Variants in ABR observed in about 807,000 individuals in gnomAD.
ABR encodes ABR activator of RhoGEF and GTPase.
A neutral mutation model predicts 107.2 loss-of-function variants in ABR; 35 were observed. That is an observed-to-expected ratio of 0.33 (90% CI 0.25 to 0.43). The LOEUF is 0.43. ABR is among the 20% of genes least tolerant of loss of function. ABR has a pLI of 1.00. For missense variants in ABR, 815 were observed against 1,115.2 expected, an observed-to-expected ratio of 0.73 and a Z score of 3.83; for synonymous variants, 498 against 462.0, an observed-to-expected ratio of 1.08 and a Z score of -1.00.
chr17:1,048,271 C>T (rs182219187), intron 16 of ABR, among the ~76,000 whole-genome samples: 5 of 152,356 alleles, frequency 3.3e-5, no homozygotes, highest in Non-Finnish European at 5.9e-5. Flanking sequence ...CGGAAAGAGA[C>T]GTGTTTAGGA....
chr17:1,158,695 G>A (rs12938886), intron 1 of ABR, among the ~76,000 whole-genome samples: 13,560 of 151,766 alleles, frequency 0.089, 657 homozygotes, highest in Middle Eastern at 0.16. Flanking sequence ...CCTGGGAGTT[G>A]GAAGTTGCAA....
intron 2 of ABR, among the ~76,000 whole-genome samples, chr17:1,113,109 TGCC>T (rs1260687066): frequency 1.3e-5 from 2 of 151,528 alleles, no homozygotes; most frequent in Admixed American, 1.3e-4. Context: ...GGGAACCCCG[TGCC>T]TACCCTCGCG....
At chr17:1,212,444 AAAC>A (rs1043620097) in intron 1 of ABR, among the ~76,000 whole-genome samples, 3 of 151,812 alleles carry the variant, frequency 2.0e-5, no homozygotes, top group Admixed American at 6.6e-5. Flanking sequence ...AGAGAAAAAA[AAAC>A]AACAACAAAA....
At chr17:1,081,577 A>G (rs560070063) in intron 5 of ABR, among the ~76,000 whole-genome samples, 21 of 152,194 alleles carry the variant, frequency 1.4e-4, no homozygotes, top group Middle Eastern at 3.4e-3. Flanking sequence ...AAGGGACTCA[A>G]TAGATACTTT....
In ABR at chr17:1,005,690, T is replaced by G; in HGVS notation, c.*390A>C. ...CTGGCAGCAGTTACACAGCGCAAAA[T>G]AAAAGGCCTTGGGCTGGACTCAGGC... On this transcript the variant is annotated 3_prime_UTR_variant, in exon 23 of 23. Transcript: ENST00000302538. The G allele has an allele frequency of 4.1e-6, 1 of 244,956 alleles. No individual in the cohort carries two copies. Among genetic ancestry groups the G allele is most frequent in the South Asian group, 5.7e-5 (1 of 17,448 alleles). 15.2% of individuals were successfully genotyped at this position (244,956 alleles called of 1,614,324 possible).
At position 1,084,744 on chromosome 17, in the gene ABR, G is replaced by C. The variant is rs142354001; in HGVS notation, c.532-1117C>G. 2.0e-5 allele frequency among the ~76,000 whole-genome samples: 3 copies of C among 152,308 alleles called. No homozygotes were observed. Among genetic ancestry groups the C allele is most frequent in the African/African-American group, 7.2e-5 (3 of 41,552 alleles). On this transcript the variant is annotated intron_variant, in intron 4 of 22. Transcript: ENST00000302538. This position sits in a 1 kb window ranked among gnomAD's most constrained non-coding sequence, Gnocchi z 4.2. Reference sequence around the variant, plus strand: ...GAGATATTTTATACTCATCAGAAGGGTCAAAATTTAAAAGTCTAATTGACA... The same window carrying C: ...GAGATATTTTATACTCATCAGAAGGCTCAAAATTTAAAAGTCTAATTGACA...
chr17:1,197,148 G>A (rs1258228838), intron 1 of ABR, among the ~76,000 whole-genome samples: 1 of 151,588 alleles, frequency 6.6e-6, no homozygotes, highest in Non-Finnish European at 1.5e-5. Flanking sequence ...CTTCAAGGCA[G>A]CCCCCAGCCC....
At chr17:1,141,721 C>T (rs2040293002) in intron 1 of ABR, among the ~76,000 whole-genome samples, 1 of 152,124 alleles carries the variant, frequency 6.6e-6, no homozygotes, top group Non-Finnish European at 1.5e-5. Context: ...CATCAGTCAG[C>T]CTCCATTCAG....
At chr17:1,229,434 C>T (rs1322732168) in exon 1 of ABR, among the ~76,000 whole-genome samples, 4 of 151,738 alleles carry the variant, frequency 2.6e-5, no homozygotes, top group Non-Finnish European at 5.9e-5. Context: ...TCCGCCGCCG[C>T]CCCGGGCCAG....
At chr17:1,015,423 A>C (rs1472423609) in intron 16 of ABR, among the ~76,000 whole-genome samples, 1 of 150,952 alleles carries the variant, frequency 6.6e-6, no homozygotes, top group East Asian at 1.9e-4. Context: ...GTCTCAAGAA[A>C]AAAAAAAAAA....
intron 1 of ABR, among the ~76,000 whole-genome samples, chr17:1,223,580 T>C (rs1413456291): frequency 6.6e-6 from 1 of 151,798 alleles, no homozygotes; most frequent in Non-Finnish European, 1.5e-5. Flanking sequence ...TCATGGAAAA[T>C]GGAAATAATA....
intron 16 of ABR, among the ~76,000 whole-genome samples, chr17:1,023,806 C>T (rs992123823): frequency 1.3e-5 from 2 of 151,978 alleles, no homozygotes; most frequent in South Asian, 2.1e-4. Flanking sequence ...GGGAGGATCA[C>T]CTGAGGTCAG....
At chr17:1,169,627 GGT>G (rs1414805254) in intron 1 of ABR, among the ~76,000 whole-genome samples, 2 of 152,150 alleles carry the variant, frequency 1.3e-5, no homozygotes, top group Non-Finnish European at 2.9e-5. Flanking sequence ...GGCCGTCGTG[GGT>G]GTGAGCCTGG....
rs149542314 is a variant in ABR at position 1,034,936 on chromosome 17, C to G, written c.1791+15114G>C. On this transcript the variant is annotated intron_variant, in intron 16 of 22. Coordinates refer to ENST00000302538, the MANE Select transcript of ABR (RefSeq NM_021962.5). ...TCATCTGTCTTAGGTACCACAGGCT[C>G]AATACTTGTCTAGGTAAAGCAAGCT... Among the ~76,000 whole-genome samples the G allele has an allele frequency of 2.2e-3, 334 of 152,172 alleles. 4 individuals carry two copies. Among genetic ancestry groups the G allele is most frequent in the African/African-American group, 7.6e-3 (317 of 41,482 alleles).
intron 1 of ABR, among the ~76,000 whole-genome samples, chr17:1,215,777 T>C (rs953628956): frequency 4.6e-5 from 7 of 152,158 alleles, no homozygotes; most frequent in African/African-American, 1.4e-4. Flanking sequence ...GGATTGTTGC[T>C]GTGTCTGTGT....
chr17:1,094,789 A>G (rs1229121431), intron 3 of ABR, among the ~76,000 whole-genome samples: 2 of 152,130 alleles, frequency 1.3e-5, no homozygotes, highest in Non-Finnish European at 2.9e-5. Context: ...AGTAGCCTGG[A>G]GGGCTGCATG....
At chr17:1,138,356 A>G (rs1039009971) in intron 1 of ABR, among the ~76,000 whole-genome samples, 3 of 152,236 alleles carry the variant, frequency 2.0e-5, no homozygotes, top group African/African-American at 7.2e-5. Context: ...TTTCCAGGAC[A>G]CTGAAGATGT....
chr17:1,113,533 C>T (rs1030162538), intron 2 of ABR, among the ~76,000 whole-genome samples: 2 of 151,992 alleles, frequency 1.3e-5, no homozygotes, highest in African/African-American at 2.4e-5. Context: ...GTGATCCACC[C>T]GCCTCGGCCT....
At chr17:1,156,471 G>A (rs374475034) in intron 1 of ABR, among the ~76,000 whole-genome samples, 2 of 152,156 alleles carry the variant, frequency 1.3e-5, no homozygotes, top group Non-Finnish European at 2.9e-5. Flanking sequence ...ATCACCTGAC[G>A]CCAGGAGTTC....
Sources: gnomAD v4.1 joint callset for allele counts (sites outside exome capture counted in the v4.1 genomes callset) on GRCh38, gnomAD v4.1.1 for gene constraint, Gnocchi (gnomAD v3.1) non-coding constraint, MANE v1.5 for transcripts, NCBI Gene and HGNC (gene_info 2026-07-23, HGNC 2026-07-21) for gene names.